STIM1: variants seen among roughly 807,000 people sequenced by gnomAD.
The protein encoded by STIM1 is stromal interaction molecule 1.
A neutral mutation model predicts 74.7 loss-of-function variants in STIM1; 25 were observed. The observed-to-expected ratio is 0.33, with a 90% CI of 0.24 to 0.47. The LOEUF (loss-of-function observed/expected upper bound fraction) is 0.47. Ranked by LOEUF, STIM1 falls within the 20% of genes least tolerant of loss-of-function variation. The probability of loss-of-function intolerance (pLI) is 1.00; values close to 1 mark genes in which losing one functional copy is unlikely to be tolerated. For synonymous variants in STIM1, 328 were observed against 348.8 expected (o/e 0.94, Z 0.66); for missense variants, 728 against 920.8 (o/e 0.79, Z 2.71).
intron 3 of STIM1, among the ~76,000 whole-genome samples, chr11:4,046,509 C>G (rs2094194978): frequency 6.6e-6 from 1 of 152,144 alleles, no homozygotes; most frequent in Non-Finnish European, 1.5e-5. Context: ...TCAGAGCTTT[C>G]CTTCTGAACT....
At chr11:3,963,225 C>G (rs891593023) in intron 1 of STIM1, among the ~76,000 whole-genome samples, 3 of 152,158 alleles carry the variant, frequency 2.0e-5, no homozygotes, top group African/African-American at 7.2e-5. Context: ...TTTCCTCATC[C>G]TCTTCCTCCT....
intron 1 of STIM1, among the ~76,000 whole-genome samples, chr11:3,911,695 T>G (rs931992515): frequency 6.6e-6 from 1 of 152,152 alleles, no homozygotes; most frequent in Non-Finnish European, 1.5e-5. Context: ...CTCTTTTCTA[T>G]CTAGTAAACT....
chr11:3,894,905 A>AT (rs35236633), intron 1 of STIM1, among the ~76,000 whole-genome samples: 38,360 of 113,178 alleles, frequency 0.34, 7,413 homozygotes, highest in South Asian at 0.45. Flanking sequence ...CGCCTGGCTA[A>AT]TTTTTTTTTT....
At chr11:3,892,180 T>C (rs1444671898) in intron 1 of STIM1, among the ~76,000 whole-genome samples, 2 of 152,222 alleles carry the variant, frequency 1.3e-5, no homozygotes, top group Non-Finnish European at 1.5e-5. Context: ...TATTTATTTA[T>C]TTTTGTTATT....
chr11:4,043,740 G>A (rs1286737010), intron 3 of STIM1, among the ~76,000 whole-genome samples: 5 of 152,086 alleles, frequency 3.3e-5, no homozygotes, highest in Non-Finnish European at 7.4e-5. Context: ...GAGATGGCTG[G>A]GCGTGGTGGC....
chr11:4,022,652 A>G (rs1365392224), intron 2 of STIM1, among the ~76,000 whole-genome samples: 1 of 152,122 alleles, frequency 6.6e-6, no homozygotes. Flanking sequence ...TTCTATACCT[A>G]ATTTGATTGC....
intron 1 of STIM1, among the ~76,000 whole-genome samples, chr11:3,902,275 C>T (rs139625948): frequency 6.6e-6 from 1 of 152,104 alleles, no homozygotes; most frequent in Non-Finnish European, 1.5e-5. Context: ...CTTAACTAAT[C>T]CCTAAAACTC....
intron 2 of STIM1, chr11:3,974,113 C>G: frequency 7.3e-6 from 5 of 680,578 alleles, no homozygotes; most frequent in South Asian, 4.6e-5. Flanking sequence ...TTACCACAGT[C>G]TGTGAGTGCT....
At chr11:3,888,092 G>C (rs2091782855) in intron 1 of STIM1, 2 of 152,196 alleles carry the variant, frequency 1.3e-5, no homozygotes, top group Non-Finnish European at 2.9e-5. Flanking sequence ...TTCCATTTCT[G>C]TTTTTGAAAG....
chr11:4,001,018 A>T (rs189085751), intron 2 of STIM1, among the ~76,000 whole-genome samples: 1,681 of 152,318 alleles, frequency 0.011, 32 homozygotes, highest in African/African-American at 0.037. Flanking sequence ...AAATGAAGCG[A>T]GAAGGGAAGT....
chr11:3,863,219 CATGTGTGT>C (rs767503750), intron 1 of STIM1, among the ~76,000 whole-genome samples: 4 of 103,854 alleles, frequency 3.9e-5, no homozygotes, highest in Admixed American at 1.0e-4. Flanking sequence ...TGAGACAATG[CATGTGTGT>C]GTGTGTGTGT....
intron 1 of STIM1, among the ~76,000 whole-genome samples, chr11:3,904,858 A>C (rs1021598220): frequency 1.3e-5 from 2 of 152,168 alleles, no homozygotes; most frequent in African/African-American, 4.8e-5. Context: ...GGGAGAAGAC[A>C]TGAGTTTTGG....
At chr11:4,000,523 G>T (rs1269124609) in intron 2 of STIM1, among the ~76,000 whole-genome samples, 1 of 152,052 alleles carries the variant, frequency 6.6e-6, no homozygotes, top group Non-Finnish European at 1.5e-5. Context: ...GCAGCTGAGG[G>T]TCCTGTCTGT....
intron 1 of STIM1, among the ~76,000 whole-genome samples, chr11:3,917,435 G>GTTTTTTTTTTTTTTTTTTTTT (rs558911615): frequency 7.5e-6 from 1 of 133,324 alleles, no homozygotes. Flanking sequence ...CAGGGTTTCT[G>GTTTTTTTTTTTTTTTTTTTTT]TTTTTTTTTT....
At chr11:3,873,519 G>T (rs572462402) in intron 1 of STIM1, among the ~76,000 whole-genome samples, 2 of 151,200 alleles carry the variant, frequency 1.3e-5, no homozygotes, top group African/African-American at 4.9e-5. Flanking sequence ...CTCGCACCTC[G>T]GCCTCCCAAA....
At chr11:4,063,787 C>T (rs1279251069) in intron 5 of STIM1, among the ~76,000 whole-genome samples, 1 of 152,160 alleles carries the variant, frequency 6.6e-6, no homozygotes, top group Non-Finnish European at 1.5e-5. Context: ...ACTGTGTGAC[C>T]TTGGGTAGTC....
At chr11:3,896,114 C>T (rs991808013) in intron 1 of STIM1, among the ~76,000 whole-genome samples, 6 of 151,910 alleles carry the variant, frequency 3.9e-5, no homozygotes, top group South Asian at 2.1e-4. Context: ...CCATGTTAGC[C>T]AGGACGGTCT....
intron 1 of STIM1, among the ~76,000 whole-genome samples, chr11:3,900,015 G>A (rs1246549555): frequency 1.3e-5 from 2 of 152,128 alleles, no homozygotes; most frequent in Non-Finnish European, 2.9e-5. Context: ...TTGGTATCAG[G>A]ATGATGCTGG....
chr11:4,081,700 G>A (rs1590696478), intron 7 of STIM1, among the ~76,000 whole-genome samples: 2 of 152,238 alleles, frequency 1.3e-5, no homozygotes, highest in African/African-American at 2.4e-5. Flanking sequence ...ACTGAATTAA[G>A]AGCCGGTTTA....
Sources: allele counts gnomAD v4.1 joint callset (sites outside exome capture counted in the v4.1 genomes callset), GRCh38; gene constraint gnomAD v4.1.1; transcripts MANE v1.5; gene names NCBI Gene and HGNC (gene_info 2026-07-23, HGNC 2026-07-21).